Variants in TRIM24 observed in about 807,000 individuals in gnomAD.
TRIM24 encodes the protein tripartite motif containing 24.
In TRIM24, 29 loss-of-function variants were observed where a neutral mutation model predicts 123.9. That is an observed-to-expected ratio of 0.23 (90% CI 0.17 to 0.32). The LOEUF (loss-of-function observed/expected upper bound fraction) is 0.32. TRIM24 is among the 10% of genes least tolerant of loss of function. The pLI is 1.00. For missense variants in TRIM24, 932 were observed against 1,295.3 expected (o/e 0.72, Z 4.31); for synonymous variants, 456 against 461.1 (o/e 0.99, Z 0.14).
intron 3 of TRIM24, among the ~76,000 whole-genome samples, chr7:138,517,597 C>T (rs1276081148): frequency 1.3e-5 from 2 of 152,100 alleles, no homozygotes; most frequent in Non-Finnish European, 2.9e-5. Flanking sequence ...TGGTCTCGAA[C>T]TCCTGACCTC....
chr7:138,583,803 A>G, intron 17 of TRIM24, 47 bp from the exon 18 acceptor site: 1 of 1,290,806 alleles, frequency 7.7e-7, no homozygotes, highest in African/African-American at 1.5e-5. Flanking sequence ...ATTTAGGACA[A>G]GGTGGAATTT....
chr7:138,551,133 A>G lies in TRIM24; in HGVS notation c.1214A>G (p.Gln405Arg), dbSNP rs768385292. The G allele has an allele frequency of 6.2e-7, 1 of 1,613,856 alleles. No individual in the cohort carries two copies. The highest frequency in any genetic ancestry group is 8.5e-7 in the Non-Finnish European group (1 of 1,179,806). Residue 405 changes from glutamine to arginine, a missense_variant, in exon 8 of 19, where the codon CAA (glutamine) becomes CGA (arginine). This residue lies in a region of TRIM24 where 527 missense variants were observed against 691.3 expected (regional missense o/e 0.76). Transcript: ENST00000343526. ...DASPVTNNTI[Q>R]FHCDPSFWAQ... ...TCCCCAGTGACCAACAACACCATCC[A>G]ATTTCACTGTGATCCTAGTTTCTGG...
At position 138,538,808 on chromosome 7, in the gene TRIM24, G is replaced by C. The variant is rs749579760; in HGVS notation, c.1143+5G>C. The stretch of plus-strand genomic sequence containing the variant: ...TTACTTTATAGCAAACGACTGGTAA[G>C]ATAAAGTATGCTATTTAATATACTG... On this transcript the variant is annotated splice_donor_5th_base_variant and intron_variant, in intron 7 of 18. Transcript: ENST00000343526. The C allele has an allele frequency of 6.2e-7, 1 of 1,613,174 alleles. No homozygotes were observed. Among genetic ancestry groups the C allele is most frequent in the Non-Finnish European group, 8.5e-7 (1 of 1,179,534 alleles).
intron 1 of TRIM24, among the ~76,000 whole-genome samples, chr7:138,464,033 C>T (rs1353221806): frequency 2.1e-4 from 16 of 77,598 alleles, no homozygotes; most frequent in East Asian, 6.3e-4. Context: ...CTCGCTCTGT[C>T]GCCCGGGCTG....
intron 1 of TRIM24, among the ~76,000 whole-genome samples, chr7:138,479,568 A>G (rs1394267837): frequency 6.6e-6 from 1 of 152,052 alleles, no homozygotes; most frequent in African/African-American, 2.4e-5. Flanking sequence ...GCTGGAGTGC[A>G]GTGGCGGGAT....
chr7:138,535,696 G>A (rs1383530091), intron 6 of TRIM24, among the ~76,000 whole-genome samples: 1 of 152,072 alleles, frequency 6.6e-6, no homozygotes, highest in Middle Eastern at 3.2e-3. Context: ...TATGTGTCTT[G>A]GAGTTGCTCT....
At chr7:138,550,095 G>A (rs895629803) in intron 7 of TRIM24, among the ~76,000 whole-genome samples, 3 of 152,098 alleles carry the variant, frequency 2.0e-5, no homozygotes, top group African/African-American at 7.2e-5. Context: ...GGAAGTGAAT[G>A]GACTAGAGAA....
At chr7:138,549,510 C>G (rs1346986980) in intron 7 of TRIM24, among the ~76,000 whole-genome samples, 1 of 152,068 alleles carries the variant, frequency 6.6e-6, no homozygotes, top group South Asian at 2.1e-4. Flanking sequence ...AAGGGAAAAC[C>G]ATGGGATTAT....
intron 18 of TRIM24, among the ~76,000 whole-genome samples, chr7:138,584,274 T>TA (rs761860716): frequency 1.3e-5 from 2 of 152,240 alleles, no homozygotes; most frequent in Non-Finnish European, 2.9e-5. Context: ...TTCCCACCTG[T>TA]ATTTCTTATT....
At chr7:138,500,115 C>CA (rs1226110476) in intron 1 of TRIM24, among the ~76,000 whole-genome samples, 1 of 152,102 alleles carries the variant, frequency 6.6e-6, no homozygotes, top group Admixed American at 6.6e-5. Flanking sequence ...GCTAGGCAGT[C>CA]AAAGAAGTGC....
At chr7:138,508,917 A>G (rs1796226162) in intron 2 of TRIM24, among the ~76,000 whole-genome samples, 1 of 151,976 alleles carries the variant, frequency 6.6e-6, no homozygotes, top group Non-Finnish European at 1.5e-5. Context: ...TTGGTCACCT[A>G]TCTAGGCCTT....
At chr7:138,496,025 A>C (rs1379031914) in intron 1 of TRIM24, among the ~76,000 whole-genome samples, 7 of 152,234 alleles carry the variant, frequency 4.6e-5, no homozygotes, top group Non-Finnish European at 1.0e-4. Flanking sequence ...CTTGAAATCA[A>C]GTAGCATAAG....
intron 14 of TRIM24, 47 bp from the exon 15 acceptor site, chr7:138,579,157 T>TA (rs1327204107): frequency 3.4e-6 from 5 of 1,488,198 alleles, no homozygotes; most frequent in East Asian, 2.3e-5. Context: ...GCATTAGTGA[T>TA]AAAATTTTTT....
chr7:138,487,002 C>A (rs1795662174), intron 1 of TRIM24, among the ~76,000 whole-genome samples: 1 of 152,146 alleles, frequency 6.6e-6, no homozygotes, highest in Admixed American at 6.5e-5. Flanking sequence ...TTTGTGTCCT[C>A]TTTTATTTTG....
chr7:138,561,123 T>C (rs1797418933), intron 9 of TRIM24, among the ~76,000 whole-genome samples: 1 of 152,170 alleles, frequency 6.6e-6, no homozygotes, highest in Non-Finnish European at 1.5e-5. Flanking sequence ...CATTGACTTT[T>C]TTTGTCTTTT....
intron 18 of TRIM24, among the ~76,000 whole-genome samples, 153 bp downstream of exon 18, chr7:138,584,152 ACT>A (rs1797963792): frequency 1.3e-5 from 2 of 152,186 alleles, no homozygotes; most frequent in African/African-American, 4.8e-5. Flanking sequence ...AATTCAGATA[ACT>A]CTGTCCACAT....
chr7:138,545,632 G>A (rs1181153561), intron 7 of TRIM24, among the ~76,000 whole-genome samples: 3 of 152,062 alleles, frequency 2.0e-5, no homozygotes, highest in Non-Finnish European at 2.9e-5. Flanking sequence ...GTATGTATTC[G>A]TTGTTGGTGT....
chr7:138,467,799 T>C (rs1350261389), intron 1 of TRIM24, among the ~76,000 whole-genome samples: 1 of 152,238 alleles, frequency 6.6e-6, no homozygotes, highest in East Asian at 1.9e-4. Context: ...TGATATCGTA[T>C]ATGATATTTT....
intron 6 of TRIM24, among the ~76,000 whole-genome samples, chr7:138,533,355 G>C (rs1796789606): frequency 6.6e-6 from 1 of 152,138 alleles, no homozygotes. Flanking sequence ...CTGTGGGTTT[G>C]TCATAAATAG....
Sources: allele counts gnomAD v4.1 joint callset (sites outside exome capture counted in the v4.1 genomes callset), GRCh38; gene constraint gnomAD v4.1.1; regional missense constraint gnomAD v4.1.1; transcripts MANE v1.5; gene names NCBI Gene and HGNC (gene_info 2026-07-23, HGNC 2026-07-21).